Variants in CLIP1 observed in about 807,000 individuals in gnomAD.
The protein encoded by CLIP1 is CAP-Gly domain-containing linker protein 1.
In CLIP1, 66 loss-of-function variants were observed where a neutral mutation model predicts 161.6. That is an observed-to-expected ratio of 0.41 (90% CI 0.33 to 0.50). The LOEUF (loss-of-function observed/expected upper bound fraction) is 0.50, where lower values mean the gene tolerates loss of function less well. CLIP1 is among the 20% of genes least tolerant of loss of function. The pLI is 0.27. For missense variants in CLIP1, 1,376 were observed against 1,702.0 expected, an observed-to-expected ratio of 0.81 and a Z score of 3.37; for synonymous variants, 598 against 626.2, an observed-to-expected ratio of 0.96 and a Z score of 0.67.
chr12:122,391,000 C>T (rs1412056204), intron 1 of CLIP1, among the ~76,000 whole-genome samples: 1 of 152,078 alleles, frequency 6.6e-6, no homozygotes, highest in Non-Finnish European at 1.5e-5. Context: ...AAAAGGTTTA[C>T]ACTTCCGGCT....
At position 122,346,101 on chromosome 12, in the gene CLIP1, C is replaced by T. The variant is rs986976396; in HGVS notation, c.1506+1274G>A. Among the ~76,000 whole-genome samples, 3 of 152,188 alleles carry T rather than the reference C, an allele frequency of 2.0e-5. No homozygotes were observed. The South Asian group carries it at 6.2e-4, about 32-fold the overall frequency. On this transcript the variant is annotated intron_variant, in intron 10 of 25. Transcript: ENST00000620786. ...GCGCCTGGCCATTTCTTAATCTTTA[C>T]GCACAAAACAACTTCCATAATAGAC...
chr12:122,419,920 C>CT (rs1956880736), intron 1 of CLIP1, among the ~76,000 whole-genome samples: 1 of 93,366 alleles, frequency 1.1e-5, no homozygotes, highest in East Asian at 4.0e-4. Context: ...ATGCGAGACT[C>CT]TGTCTCAAAA....
In CLIP1 at chr12:122,380,437, G is replaced by A. The variant is rs957708229; in HGVS notation, c.16C>T (p.Pro6Ser). 6.2e-7 allele frequency: 1 copy of A among 1,611,994 alleles called. No individual in the cohort carries two copies. The highest frequency in any genetic ancestry group is 1.1e-5 in the South Asian group (1 of 90,858). MSMLK[P>S]SGLKAPTKIL... The stretch of plus-strand genomic sequence containing the variant: ...TTGGTGGGGGCCTTAAGCCCACTTG[G>A]CTTTAGCATACTCATTTTCTTTGTA... Residue 6 changes from proline to serine, a missense_variant, in exon 2 of 26, where the codon CCA becomes TCA. Coordinates refer to ENST00000620786, the MANE Select transcript of CLIP1 (RefSeq NM_001247997.2).
At chr12:122,420,386 C>T (rs1956900655) in intron 1 of CLIP1, among the ~76,000 whole-genome samples, 1 of 151,888 alleles carries the variant, frequency 6.6e-6, no homozygotes, top group South Asian at 2.1e-4. Flanking sequence ...TTCTAAACTC[C>T]TCAATAGGAC....
At position 122,390,279 on chromosome 12, in the gene CLIP1, C is replaced by CATATATAT. The variant is rs1179187571; in HGVS notation, c.-106-9729_-106-9722dup. ...ATATATACACACACATATATATATA[C>CATATATAT]ATATATATATATATATATATATATG... On this transcript the variant is annotated intron_variant, in intron 1 of 25. Coordinates refer to ENST00000620786, the MANE Select transcript of CLIP1 (RefSeq NM_001247997.2). Among the ~76,000 whole-genome samples the CATATATAT allele has an allele frequency of 4.1e-3, 325 of 78,992 alleles. 2 individuals carry two copies. The highest frequency in any genetic ancestry group is 0.019 in the Middle Eastern group (3 of 160). The allele number at this position is 78,992 out of a possible 152,430, so 51.8% of individuals were successfully genotyped here.
rs370292531 is a variant in CLIP1, at chr12:122,294,100, G to A, written c.3595-5559C>T. ...TCCCAGCACTTTGGGAGGCCGAGGC[G>A]GGCGGATCACAAGGTCAGGAGATCC... On this transcript the variant is annotated intron_variant, in intron 20 of 25. Coordinates refer to ENST00000620786, the MANE Select transcript of CLIP1 (RefSeq NM_001247997.2). Among the ~76,000 whole-genome samples, 24 of 149,342 alleles carry A rather than the reference G, an allele frequency of 1.6e-4. No individual in the cohort carries two copies. The South Asian group carries it at 2.6e-3, about 16-fold the overall frequency.
At chr12:122,392,639 A>T (rs1244184541) in intron 1 of CLIP1, among the ~76,000 whole-genome samples, 1 of 151,894 alleles carries the variant, frequency 6.6e-6, no homozygotes, top group East Asian at 1.9e-4. Flanking sequence ...AATCACTCCC[A>T]CTCTAATGCC....
intron 21 of CLIP1, among the ~76,000 whole-genome samples, chr12:122,286,689 C>A (rs1454386162): frequency 1.3e-5 from 2 of 151,690 alleles, no homozygotes; most frequent in African/African-American, 2.4e-5. Flanking sequence ...CATAACAAGA[C>A]CTTGTCACTA....
intron 1 of CLIP1, among the ~76,000 whole-genome samples, chr12:122,417,510 CTTTTT>C (rs35179677): frequency 9.5e-5 from 10 of 104,798 alleles, no homozygotes; most frequent in Admixed American, 1.1e-4. Flanking sequence ...ATTATTCTGC[CTTTTT>C]TTTTTTTTTT....
intron 17 of CLIP1, among the ~76,000 whole-genome samples, chr12:122,320,339 G>A (rs1161396347): frequency 1.3e-5 from 2 of 152,036 alleles, no homozygotes; most frequent in African/African-American, 4.8e-5. Flanking sequence ...ATGGTAGCAT[G>A]TGCCTACAGT....
intron 21 of CLIP1, among the ~76,000 whole-genome samples, chr12:122,285,228 CTTTTT>C (rs56813970): frequency 7.3e-6 from 1 of 136,534 alleles, no homozygotes. Flanking sequence ...GATACCAGTC[CTTTTT>C]TTTTTTTTTT....
intron 20 of CLIP1, among the ~76,000 whole-genome samples, chr12:122,297,793 C>T (rs1248796930): frequency 6.6e-6 from 1 of 152,210 alleles, no homozygotes; most frequent in Admixed American, 6.5e-5. Flanking sequence ...GGCGCAGACA[C>T]AGTGATCGGC....
intron 1 of CLIP1, among the ~76,000 whole-genome samples, chr12:122,388,259 G>A (rs1047323361): frequency 3.4e-5 from 5 of 148,102 alleles, no homozygotes; most frequent in East Asian, 2.0e-4. Flanking sequence ...TCACTCTGCC[G>A]CCCAGGCTGG....
intron 19 of CLIP1, among the ~76,000 whole-genome samples, chr12:122,315,835 G>T (rs1309747251): frequency 6.6e-6 from 1 of 151,666 alleles, no homozygotes; most frequent in Non-Finnish European, 1.5e-5. Context: ...TAGAGACGGG[G>T]TTTCACCGTG....
intron 1 of CLIP1, among the ~76,000 whole-genome samples, chr12:122,406,336 G>GTTGTT (rs1279009448): frequency 1.3e-5 from 2 of 152,160 alleles, no homozygotes; most frequent in Non-Finnish European, 2.9e-5. Flanking sequence ...GTCCCACAGA[G>GTTGTT]TGAGACCTTG....
intron 1 of CLIP1, among the ~76,000 whole-genome samples, chr12:122,398,659 G>A (rs1956024617): frequency 6.6e-6 from 1 of 151,802 alleles, no homozygotes; most frequent in African/African-American, 2.4e-5. Context: ...CTTAAGTCCA[G>A]GAGTCTGAGA....
intron 1 of CLIP1, among the ~76,000 whole-genome samples, chr12:122,391,454 C>T (rs1164398999): frequency 4.6e-5 from 7 of 151,980 alleles, no homozygotes; most frequent in East Asian, 1.9e-4. Context: ...GGCATAGTGG[C>T]GGGTGCCTGT....
chr12:122,340,147 A>G (rs2173582), intron 11 of CLIP1, among the ~76,000 whole-genome samples: 118,886 of 150,952 alleles, frequency 0.79, 47,148 homozygotes, highest in African/African-American at 0.86. Context: ...GAATAATCTC[A>G]GGTCACTGCA....
At chr12:122,286,769 C>T (rs528724408) in intron 21 of CLIP1, among the ~76,000 whole-genome samples, 1 of 151,912 alleles carries the variant, frequency 6.6e-6, no homozygotes, top group South Asian at 2.1e-4. Context: ...GAGGCTGAGG[C>T]AGGCGGATCA....
Sources: allele counts gnomAD v4.1 joint callset (sites outside exome capture counted in the v4.1 genomes callset), GRCh38; gene constraint gnomAD v4.1.1; transcripts MANE v1.5; gene names NCBI Gene and HGNC (gene_info 2026-07-23, HGNC 2026-07-21).